Variants in MYO3B observed in about 807,000 individuals in gnomAD.
MYO3B encodes myosin-IIIb.
A neutral mutation model predicts 174.6 loss-of-function variants in MYO3B; 156 were observed. The ratio of observed to expected loss-of-function variants is 0.89; its 90% CI spans 0.78 to 1.02. The LOEUF is 1.02. Ranked by LOEUF, MYO3B falls within the 50% of genes least tolerant of loss-of-function variation. The pLI is 0.00. For missense variants in MYO3B, 1,632 were observed against 1,639.4 expected (o/e 1.00, Z 0.08); for synonymous variants, 563 against 569.1 (o/e 0.99, Z 0.15).
At chr2:170,536,689 G>A (rs181508734) in intron 30 of MYO3B, among the ~76,000 whole-genome samples, 3 of 152,148 alleles carry the variant, frequency 2.0e-5, no homozygotes, top group Non-Finnish European at 4.4e-5. Context: ...TAATAGTGAG[G>A]CATATTTTGC....
chr2:170,408,926 G>C (rs1373048390), intron 22 of MYO3B, among the ~76,000 whole-genome samples: 1 of 152,104 alleles, frequency 6.6e-6, no homozygotes, highest in Non-Finnish European at 1.5e-5. Flanking sequence ...GGAGCAGCCG[G>C]GGTTTAATTC....
chr2:170,250,990 G>A (rs1382009247), intron 7 of MYO3B, among the ~76,000 whole-genome samples: 1 of 151,738 alleles, frequency 6.6e-6, no homozygotes, highest in East Asian at 2.0e-4. Flanking sequence ...GGGGTGTGAT[G>A]GGCCAAAAAG....
intron 23 of MYO3B, among the ~76,000 whole-genome samples, chr2:170,455,809 T>C (rs1334860680): frequency 1.3e-5 from 2 of 152,288 alleles, no homozygotes; most frequent in East Asian, 3.9e-4. Context: ...AGGATGTTTA[T>C]CATGTGGGCA....
chr2:170,482,181 G>T (rs1334303030), intron 25 of MYO3B, among the ~76,000 whole-genome samples: 10 of 150,638 alleles, frequency 6.6e-5, no homozygotes, highest in African/African-American at 1.5e-4. Flanking sequence ...TTTGAGACAG[G>T]GTCTCACTCT....
At chr2:170,438,778 G>C (rs912774793) in intron 22 of MYO3B, among the ~76,000 whole-genome samples, 2 of 151,946 alleles carry the variant, frequency 1.3e-5, no homozygotes, top group Non-Finnish European at 2.9e-5. Flanking sequence ...GGGACCACAG[G>C]CGCCTGCCAC....
intron 6 of MYO3B, among the ~76,000 whole-genome samples, chr2:170,227,643 T>C (rs907715061): frequency 2.0e-5 from 3 of 152,100 alleles, no homozygotes; most frequent in Non-Finnish European, 2.9e-5. Flanking sequence ...CAGGAACATA[T>C]GACATTCTCA....
chr2:170,495,001 T>A (rs1686766351), intron 25 of MYO3B, among the ~76,000 whole-genome samples: 1 of 152,090 alleles, frequency 6.6e-6, no homozygotes, highest in Non-Finnish European at 1.5e-5. Flanking sequence ...GAGACAGAGA[T>A]CTTCTGACTC....
intron 22 of MYO3B, among the ~76,000 whole-genome samples, chr2:170,440,380 T>G (rs1013162924): frequency 4.6e-5 from 7 of 152,318 alleles, no homozygotes; most frequent in African/African-American, 1.7e-4. Context: ...AGTATGAACA[T>G]TTTAACAATG....
intron 25 of MYO3B, among the ~76,000 whole-genome samples, chr2:170,476,977 C>G (rs973179411): frequency 6.6e-6 from 1 of 152,128 alleles, no homozygotes; most frequent in Admixed American, 6.5e-5. Flanking sequence ...TTAAATGTTT[C>G]TTTCTTTCTA....
At position 170,190,606 on chromosome 2, in the gene MYO3B, G is replaced by C. The variant is rs2092528851; in HGVS notation, c.3-8602G>C. Among the ~76,000 whole-genome samples, 3 of 151,956 alleles carry C rather than the reference G, an allele frequency of 2.0e-5. No individual in the cohort carries two copies. The South Asian group carries it at 6.2e-4, about 32-fold the overall frequency. On this transcript the variant is annotated intron_variant, in intron 1 of 34. Coordinates refer to ENST00000408978, the MANE Select transcript of MYO3B (RefSeq NM_138995.5). Reference sequence around the variant, plus strand: ...ACTCTTCCCTCCCCTTTGCATAGCAGAGGAGTCTCCCTGTGGCCACCACCC... The same window carrying C: ...ACTCTTCCCTCCCCTTTGCATAGCACAGGAGTCTCCCTGTGGCCACCACCC...
At chr2:170,612,029 T>A (rs1213286993) in intron 32 of MYO3B, among the ~76,000 whole-genome samples, 1 of 152,178 alleles carries the variant, frequency 6.6e-6, no homozygotes, top group Admixed American at 6.5e-5. Flanking sequence ...GTCCTATTCA[T>A]AGAACAACAG....
At chr2:170,342,409 G>T (rs1476315945) in intron 8 of MYO3B, 1 of 152,248 alleles carries the variant, frequency 6.6e-6, no homozygotes, top group Non-Finnish European at 1.5e-5. Flanking sequence ...GTGCCTGGAG[G>T]TGGTGGCTCA....
At chr2:170,436,503 G>A (rs2094755040) in intron 22 of MYO3B, among the ~76,000 whole-genome samples, 1 of 152,074 alleles carries the variant, frequency 6.6e-6, no homozygotes, top group Admixed American at 6.5e-5. Context: ...GGTTCTTTCT[G>A]GGCTATTAAT....
chr2:170,500,357 T>A (rs1255966673), intron 27 of MYO3B, among the ~76,000 whole-genome samples: 3 of 152,228 alleles, frequency 2.0e-5, no homozygotes, highest in Non-Finnish European at 4.4e-5. Context: ...AAAGTTCATC[T>A]GACCTCTGGG....
At chr2:170,630,981 A>C (rs976209002) in intron 32 of MYO3B, among the ~76,000 whole-genome samples, 1 of 152,222 alleles carries the variant, frequency 6.6e-6, no homozygotes, top group African/African-American at 2.4e-5. Flanking sequence ...AAAATTCTAA[A>C]AACCAGAGTG....
chr2:170,474,289 G>A (rs1182513142), intron 25 of MYO3B, among the ~76,000 whole-genome samples: 1 of 152,142 alleles, frequency 6.6e-6, no homozygotes, highest in East Asian at 1.9e-4. Flanking sequence ...GACTCTCTGA[G>A]CCTGGATCAC....
intron 32 of MYO3B, among the ~76,000 whole-genome samples, chr2:170,613,051 C>T (rs1019386668): frequency 2.6e-5 from 4 of 152,118 alleles, no homozygotes; most frequent in African/African-American, 4.8e-5. Context: ...TCTGGTAATG[C>T]GGAAAGCAGG....
chr2:170,229,362 C>G (rs1229167527), intron 6 of MYO3B, among the ~76,000 whole-genome samples: 6 of 152,184 alleles, frequency 3.9e-5, no homozygotes, highest in Admixed American at 3.9e-4. Context: ...CTGAATGTAG[C>G]TCTTGAGATA....
chr2:170,480,048 TA>T (rs939352330), intron 25 of MYO3B, among the ~76,000 whole-genome samples: 4 of 149,548 alleles, frequency 2.7e-5, no homozygotes, highest in African/African-American at 9.8e-5. Context: ...TGTGTATATA[TA>T]TATATATATA....
Sources: gnomAD v4.1 joint callset for allele counts (sites outside exome capture counted in the v4.1 genomes callset) on GRCh38, gnomAD v4.1.1 for gene constraint, MANE v1.5 for transcripts, NCBI Gene and HGNC (gene_info 2026-07-23, HGNC 2026-07-21) for gene names.